CCSER1: variants seen among roughly 807,000 people sequenced by gnomAD.
CCSER1 encodes coiled-coil serine rich protein 1.
A neutral mutation model predicts 82.0 loss-of-function variants in CCSER1; 41 were observed. That is an observed-to-expected ratio of 0.50 (90% CI 0.39 to 0.65). The LOEUF (loss-of-function observed/expected upper bound fraction) is 0.65. Among genes scored for constraint, CCSER1 ranks in the 30% least tolerant of loss-of-function variants. The pLI is 0.00. For missense variants in CCSER1, 1,119 were observed against 1,064.2 expected (o/e 1.05, Z -0.72); for synonymous variants, 414 against 383.9 (o/e 1.08, Z -0.92).
chr4:90,554,349 A>G (rs1579128411), intron 5 of CCSER1, among the ~76,000 whole-genome samples: 2 of 152,252 alleles, frequency 1.3e-5, no homozygotes, highest in Admixed American at 1.3e-4. Flanking sequence ...AGCCTCGGCA[A>G]CAGGGCAAAG....
At chr4:90,498,775 T>C (rs1049675662) in intron 5 of CCSER1, among the ~76,000 whole-genome samples, 20 of 152,236 alleles carry the variant, frequency 1.3e-4, no homozygotes, top group African/African-American at 4.1e-4. Context: ...ACAAAAAGAA[T>C]TAAATAGAAA....
intron 6 of CCSER1, among the ~76,000 whole-genome samples, chr4:90,693,138 C>T (rs763034370): frequency 6.6e-6 from 1 of 151,902 alleles, no homozygotes; most frequent in South Asian, 2.1e-4. Context: ...TCTTCAAATT[C>T]TCTCTTCAGG....
At chr4:90,297,990 A>T (rs1344938779) in intron 1 of CCSER1, among the ~76,000 whole-genome samples, 4 of 152,182 alleles carry the variant, frequency 2.6e-5, no homozygotes, top group Non-Finnish European at 5.9e-5. Context: ...CTTTGGTGTC[A>T]GGATGATGCT....
At chr4:90,757,949 T>C (rs1749810923) in intron 7 of CCSER1, among the ~76,000 whole-genome samples, 2 of 151,280 alleles carry the variant, frequency 1.3e-5, no homozygotes, top group Admixed American at 6.6e-5. Flanking sequence ...TTTTTTTTTT[T>C]TCTTTTGAGA....
At chr4:90,923,519 C>T (rs541794500) in intron 9 of CCSER1, 72 bp downstream of exon 9, 13 of 1,007,576 alleles carry the variant, frequency 1.3e-5, no homozygotes, top group South Asian at 9.7e-5. Context: ...TTGACCTCTG[C>T]GGCTGCTGTG....
At chr4:90,327,503 T>A (rs1306768176) in intron 3 of CCSER1, among the ~76,000 whole-genome samples, 22 of 152,182 alleles carry the variant, frequency 1.4e-4, no homozygotes, top group African/African-American at 4.8e-5. Flanking sequence ...TTTTTCTGTA[T>A]CCTACTTGCT....
intron 1 of CCSER1, among the ~76,000 whole-genome samples, chr4:90,272,994 CTCTA>C (rs1258852923): frequency 6.6e-6 from 1 of 150,426 alleles, no homozygotes; most frequent in African/African-American, 2.5e-5. Context: ...CAGAGTGAGA[CTCTA>C]TCTCAAAAAA....
At chr4:90,259,187 C>A (rs1020540966) in intron 1 of CCSER1, among the ~76,000 whole-genome samples, 13 of 152,022 alleles carry the variant, frequency 8.6e-5, no homozygotes, top group African/African-American at 3.1e-4. Context: ...TTATAGTTTT[C>A]ACCTTTTTAG....
intron 5 of CCSER1, among the ~76,000 whole-genome samples, chr4:90,498,570 T>A (rs568589796): frequency 6.6e-6 from 1 of 152,326 alleles, no homozygotes; most frequent in East Asian, 1.9e-4. Context: ...TACAAAGTCT[T>A]AACTGCCTCA....
At chr4:91,049,790 A>G (rs1179590374) in intron 9 of CCSER1, among the ~76,000 whole-genome samples, 1 of 152,198 alleles carries the variant, frequency 6.6e-6, no homozygotes, top group African/African-American at 2.4e-5. Context: ...ATTTTATGAA[A>G]TACTTCTTTT....
rs893939556 is a variant in CCSER1, at chr4:90,604,263, T to C, written c.1725-23762T>C. 2.0e-5 allele frequency among the ~76,000 whole-genome samples: 3 copies of C among 152,186 alleles called. No individual in the cohort carries two copies. In the South Asian group the frequency reaches 6.2e-4, roughly 31 times the overall value. On this transcript the variant is annotated intron_variant, in intron 5 of 10. Coordinates refer to ENST00000509176, the MANE Select transcript of CCSER1 (RefSeq NM_001145065.2). ...TCTCACAGAAATCTTCCCTTCTTGG[T>C]AAACATCCTTGAGCCTCCTATTATT...
intron 3 of CCSER1, among the ~76,000 whole-genome samples, chr4:90,315,329 A>ACC (rs1295077802): frequency 1.3e-5 from 2 of 152,124 alleles, no homozygotes; most frequent in Admixed American, 6.6e-5. Context: ...AAACTTGGTA[A>ACC]AATATTGTAC....
At chr4:91,427,536 G>A (rs1048991193) in intron 10 of CCSER1, among the ~76,000 whole-genome samples, 1 of 151,978 alleles carries the variant, frequency 6.6e-6, no homozygotes, top group East Asian at 1.9e-4. Context: ...ATATACAATG[G>A]AGAAAAAAAT....
At chr4:91,489,521 T>TAGGCC (rs1758399324) in intron 10 of CCSER1, among the ~76,000 whole-genome samples, 1 of 152,116 alleles carries the variant, frequency 6.6e-6, no homozygotes, top group Admixed American at 6.5e-5. Context: ...TTAAGCTTCC[T>TAGGCC]AGGCCGGGCA....
intron 10 of CCSER1, among the ~76,000 whole-genome samples, chr4:91,480,880 A>T: frequency 6.6e-6 from 1 of 152,148 alleles, no homozygotes. Flanking sequence ...CAGGTACTCA[A>T]TCTATAAATC....
chr4:91,051,942 T>C (rs1183976341), intron 9 of CCSER1, among the ~76,000 whole-genome samples: 2 of 152,106 alleles, frequency 1.3e-5, no homozygotes, highest in African/African-American at 4.8e-5. Context: ...TGGATAGTCA[T>C]ACTTAAAAAT....
chr4:90,529,484 C>A (rs1451471457), intron 5 of CCSER1, among the ~76,000 whole-genome samples: 1 of 152,162 alleles, frequency 6.6e-6, no homozygotes, highest in Non-Finnish European at 1.5e-5. Context: ...CCTGCCTTGG[C>A]CTCCCAAAGT....
At chr4:90,445,321 A>C (rs919855420) in intron 4 of CCSER1, among the ~76,000 whole-genome samples, 3 of 152,088 alleles carry the variant, frequency 2.0e-5, no homozygotes, top group Admixed American at 2.0e-4. Flanking sequence ...CGCTTCAAAG[A>C]GTGATACTTT....
chr4:91,538,698 C>CATATATTATATATATATATATATATTAT, intron 10 of CCSER1, among the ~76,000 whole-genome samples: 3 of 138,340 alleles, frequency 2.2e-5, no homozygotes, highest in Non-Finnish European at 3.1e-5. Context: ...TATATATACA[C>CATATATTATATATATATATATATATTAT]ATATATATAT....
Sources: gnomAD v4.1 joint callset for allele counts (sites outside exome capture counted in the v4.1 genomes callset) on GRCh38, gnomAD v4.1.1 for gene constraint, MANE v1.5 for transcripts, NCBI Gene and HGNC (gene_info 2026-07-23, HGNC 2026-07-21) for gene names.